LGR6: variants seen among roughly 807,000 people sequenced by gnomAD.
LGR6 encodes leucine-rich repeat-containing G protein-coupled receptor 6.
In LGR6, 45 loss-of-function variants were observed where a neutral mutation model predicts 69.4. That is an observed-to-expected ratio of 0.65 (90% CI 0.51 to 0.83). LGR6 has a LOEUF of 0.83. LGR6 is among the 40% of genes least tolerant of loss of function. The probability of loss-of-function intolerance (pLI) is 0.00; values close to 1 mark genes in which losing one functional copy is unlikely to be tolerated. For synonymous variants in LGR6, 538 were observed against 555.0 expected, an observed-to-expected ratio of 0.97 and a Z score of 0.43; for missense variants, 1,108 against 1,246.7, an observed-to-expected ratio of 0.89 and a Z score of 1.68.
chr1:202,242,750 A>G (rs1571879052), intron 4 of LGR6, among the ~76,000 whole-genome samples: 1 of 152,128 alleles, frequency 6.6e-6, no homozygotes, highest in South Asian at 2.1e-4. Flanking sequence ...CTTAGGAGGG[A>G]TTGGCAGTGT....
chr1:202,251,132 A>T (rs1429096670), intron 4 of LGR6, among the ~76,000 whole-genome samples: 2 of 152,076 alleles, frequency 1.3e-5, no homozygotes, highest in Non-Finnish European at 2.9e-5. Flanking sequence ...TGACGGCCTG[A>T]TATAGGCAAT....
chr1:202,194,176 G>C lies in LGR6; in HGVS notation c.187G>C (p.Asp63His), dbSNP rs556309493. Residue 63 changes from aspartate (D) to histidine (H), a missense_variant, in exon 1 of 18, where the codon GAC (aspartate) becomes CAC (histidine). Transcript: ENST00000367278. ...GCTCGGGCTGTCCGCCGTTCCGGGGGACCTGGACCCCCTGACGGCTTACCT... is the reference window on the plus strand; with the variant it reads ...GCTCGGGCTGTCCGCCGTTCCGGGGCACCTGGACCCCCTGACGGCTTACCT... ...SELGLSAVPG[D>H]LDPLTAYLDL... The C allele has an allele frequency of 6.5e-5, 101 of 1,565,890 alleles. No homozygotes were observed. The African/African-American group carries it at 1.1e-3, about 17-fold the overall frequency.
At chr1:202,223,204 C>G (rs984898972) in intron 1 of LGR6, among the ~76,000 whole-genome samples, 1 of 152,174 alleles carries the variant, frequency 6.6e-6, no homozygotes. Flanking sequence ...ATTTCTAGAC[C>G]GGCAAGCCCA....
At chr1:202,240,360 C>G (rs1437325209) in intron 4 of LGR6, among the ~76,000 whole-genome samples, 1 of 135,364 alleles carries the variant, frequency 7.4e-6, no homozygotes, top group Non-Finnish European at 1.6e-5. Context: ...GGCAACAGAG[C>G]AAGACTCCAT....
In LGR6 at chr1:202,196,927, GA is replaced by G. The variant is rs1658661418; in HGVS notation, c.212+2730del. The G allele has an allele frequency of 8.8e-6, 4 of 453,024 alleles. No homozygotes were observed. The Admixed American group carries it at 1.0e-4, about 12-fold the overall frequency. The allele number at this position is 453,024 out of a possible 1,614,324, so 28.1% of individuals were successfully genotyped here. On this transcript the variant is annotated intron_variant, in intron 1 of 17. Coordinates refer to ENST00000367278, the MANE Select transcript of LGR6 (RefSeq NM_001017403.2). ...GGGACTTGGAGCCCAACCAGTTGGT[GA>G]AAATTGGGGGTTGGGGATCGGGAGG...
chr1:202,314,529 T>G lies in LGR6; in HGVS notation c.1568-273T>G, dbSNP rs151288277. 5.5e-3 allele frequency among the ~76,000 whole-genome samples: 841 copies of G among 152,324 alleles called. 11 individuals carry two copies. Among genetic ancestry groups the G allele is most frequent in the African/African-American group, 0.019 (802 of 41,568 alleles). On this transcript the variant is annotated intron_variant, in intron 16 of 17. Transcript: ENST00000367278. ...AGCAGCACTTGTGGGTAAGGCTGAC[T>G]GGAGAGGACATAGAGCCCTGACTAA...
At chr1:202,307,003 C>G (rs372295655) in intron 13 of LGR6, 64 bp downstream of exon 13, 9 of 1,359,808 alleles carry the variant, frequency 6.6e-6, no homozygotes, top group Non-Finnish European at 9.5e-6. Flanking sequence ...TAGGCATGCT[C>G]ATTGTCATAG....
At chr1:202,231,769 A>AT (rs915922043) in intron 3 of LGR6, among the ~76,000 whole-genome samples, 19 of 151,098 alleles carry the variant, frequency 1.3e-4, no homozygotes, top group Middle Eastern at 3.4e-3. Context: ...TCTACATGAA[A>AT]TTTTTTTTTT....
intron 16 of LGR6, among the ~76,000 whole-genome samples, chr1:202,311,182 C>G (rs1379964996): frequency 1.3e-5 from 2 of 152,070 alleles, no homozygotes; most frequent in Non-Finnish European, 1.5e-5. Flanking sequence ...CCATCTCTAA[C>G]TCTCCACAAT....
chr1:202,242,410 A>G (rs1222674644), intron 4 of LGR6, among the ~76,000 whole-genome samples: 1 of 152,204 alleles, frequency 6.6e-6, no homozygotes, highest in Non-Finnish European at 1.5e-5. Context: ...CTACGAGGCC[A>G]TGGCAAGTCA....
intron 1 of LGR6, chr1:202,203,787 T>C (rs1571804608): frequency 6.2e-7 from 1 of 1,613,438 alleles, no homozygotes; most frequent in South Asian, 1.1e-5. Flanking sequence ...TGAAAGGCGG[T>C]TGTGGTGCAA....
chr1:202,264,203 CT>C (rs1558046382), intron 4 of LGR6, among the ~76,000 whole-genome samples: 1 of 152,128 alleles, frequency 6.6e-6, no homozygotes, highest in Admixed American at 6.5e-5. Flanking sequence ...GACTGGAACC[CT>C]GTGGGAAGCC....
At chr1:202,234,923 C>A (rs1429959668) in intron 3 of LGR6, among the ~76,000 whole-genome samples, 2 of 152,170 alleles carry the variant, frequency 1.3e-5, no homozygotes, top group East Asian at 1.9e-4. Context: ...CAGTCAGCAA[C>A]TTCCTCCCTT....
intron 4 of LGR6, among the ~76,000 whole-genome samples, chr1:202,237,957 T>C (rs1661729813): frequency 6.8e-6 from 1 of 147,528 alleles, no homozygotes; most frequent in Non-Finnish European, 1.5e-5. Context: ...GAAGATCAAA[T>C]ATATAGTCAA....
chr1:202,313,418 C>G (rs1653902500), intron 16 of LGR6, among the ~76,000 whole-genome samples: 1 of 152,106 alleles, frequency 6.6e-6, no homozygotes, highest in African/African-American at 2.4e-5. Context: ...CCCCTGACCC[C>G]CCAAAGTAAT....
At chr1:202,270,074 C>T (rs1297537270) in intron 4 of LGR6, among the ~76,000 whole-genome samples, 2 of 152,084 alleles carry the variant, frequency 1.3e-5, no homozygotes, top group Non-Finnish European at 2.9e-5. Context: ...TTGATTTAGT[C>T]CTCTGTGGGC....
chr1:202,261,532 C>T (rs1054786392), intron 4 of LGR6, among the ~76,000 whole-genome samples: 4 of 151,992 alleles, frequency 2.6e-5, no homozygotes, highest in African/African-American at 4.8e-5. Context: ...TGAATAGTGC[C>T]GCAATAAACA....
intron 4 of LGR6, among the ~76,000 whole-genome samples, chr1:202,253,956 C>T (rs1187004739): frequency 6.6e-6 from 1 of 150,906 alleles, no homozygotes; most frequent in Non-Finnish European, 1.5e-5. Context: ...CAGGCACCCG[C>T]CACTACGCCC....
At chr1:202,292,112 G>A (rs1327715064) in intron 6 of LGR6, among the ~76,000 whole-genome samples, 1 of 152,196 alleles carries the variant, frequency 6.6e-6, no homozygotes, top group Non-Finnish European at 1.5e-5. Flanking sequence ...CCCATTAAGG[G>A]CTGAAATGGC....
Sources: gnomAD v4.1 joint callset for allele counts (sites outside exome capture counted in the v4.1 genomes callset) on GRCh38, gnomAD v4.1.1 for gene constraint, MANE v1.5 for transcripts, NCBI Gene and HGNC (gene_info 2026-07-23, HGNC 2026-07-21) for gene names.